The following SLC24A2 variants were observed in gnomAD, a reference collection of about 807,000 sequenced individuals.
SLC24A2 encodes solute carrier family 24 member 2, also known as sodium/potassium/calcium exchanger 2.
A neutral mutation model predicts 62.0 loss-of-function variants in SLC24A2; 36 were observed. The observed-to-expected ratio is 0.58, with a 90% CI of 0.44 to 0.77. The LOEUF is 0.77. Ranked by LOEUF, SLC24A2 falls within the 30% of genes least tolerant of loss-of-function variation. The pLI, the probability that SLC24A2 is intolerant of heterozygous loss-of-function variation, is 0.00. For missense variants in SLC24A2, 846 were observed against 817.9 expected (o/e 1.03, Z -0.42); for synonymous variants, 358 against 294.0 (o/e 1.22, Z -2.23).
the SLC24A2 span, among the ~76,000 whole-genome samples, chr9:20,117,095 T>C: frequency 2.6e-5 from 4 of 152,260 alleles, no homozygotes; most frequent in African/African-American, 9.6e-5. Flanking sequence ...TGGCAGTGAC[T>C]GAGAGCCCCA....
At chr9:19,863,151 G>A in the SLC24A2 span, among the ~76,000 whole-genome samples, 88,152 of 151,708 alleles carry the variant, frequency 0.58, 26,231 homozygotes, top group Non-Finnish European at 0.64. Context: ...AGACAAGGTC[G>A]CTATAGAATG....
the SLC24A2 span, among the ~76,000 whole-genome samples, chr9:20,079,157 G>A: frequency 2.0e-5 from 3 of 149,730 alleles, no homozygotes; most frequent in African/African-American, 7.3e-5. Context: ...AGCAGCAGAG[G>A]TTGGAGTTAT....
chr9:19,820,056 C>CATATATATAT, the SLC24A2 span, among the ~76,000 whole-genome samples: 1 of 20,734 alleles, frequency 4.8e-5, no homozygotes, highest in African/African-American at 8.9e-5. Context: ...TATATATATA[C>CATATATATAT]ACATATATAT....
intron 2 of SLC24A2, among the ~76,000 whole-genome samples, chr9:19,724,860 T>G (rs1356370112): frequency 6.6e-6 from 1 of 152,130 alleles, no homozygotes; most frequent in Admixed American, 6.5e-5. Flanking sequence ...CCAGTTAGAT[T>G]AGATACCATT....
Position 19,516,107 on chromosome 9 carries a change from G to C in SLC24A2, c.*46C>G, listed in dbSNP as rs756678294. ...GGTCAAGGAGCCCAGAGCCCAGAGT[G>C]TGGAGGGACCATTCATGCTGCTGGT... On this transcript the variant is annotated 3_prime_UTR_variant, in exon 11 of 11. Coordinates refer to ENST00000341998, the MANE Select transcript of SLC24A2 (RefSeq NM_020344.4). 1.2e-6 allele frequency: 2 copies of C among 1,612,596 alleles called. No homozygotes were observed. The highest frequency in any genetic ancestry group is 1.7e-6 in the Non-Finnish European group (2 of 1,179,006).
the SLC24A2 span, among the ~76,000 whole-genome samples, chr9:20,185,466 C>G: frequency 6.6e-6 from 1 of 151,928 alleles, no homozygotes; most frequent in African/African-American, 2.4e-5. Flanking sequence ...GAGATCTAGA[C>G]CATCCTGGCT....
At chr9:19,705,588 T>G (rs1319523927) in intron 2 of SLC24A2, 1 of 229,762 alleles carries the variant, frequency 4.4e-6, no homozygotes, top group Non-Finnish European at 9.6e-6. Flanking sequence ...TAGCCAGGAC[T>G]AGTGAGCCAC....
intron 2 of SLC24A2, among the ~76,000 whole-genome samples, chr9:19,723,028 A>C (rs892522643): frequency 6.6e-6 from 1 of 152,152 alleles, no homozygotes; most frequent in Admixed American, 6.6e-5. Context: ...ATTCAAGGAA[A>C]ATCCCAAAGC....
chr9:19,743,960 A>G, intron 2 of SLC24A2, among the ~76,000 whole-genome samples: 1 of 152,154 alleles, frequency 6.6e-6, no homozygotes, highest in South Asian at 2.1e-4. Flanking sequence ...GTGGCTTAAA[A>G]TGAAAAATAG....
chr9:19,598,780 AT>A (rs1276427049), intron 4 of SLC24A2, among the ~76,000 whole-genome samples: 1 of 152,210 alleles, frequency 6.6e-6, no homozygotes, highest in Non-Finnish European at 1.5e-5. Context: ...CTTCATAAAT[AT>A]AAAACACATA....
At chr9:20,135,818 T>C in the SLC24A2 span, among the ~76,000 whole-genome samples, 3 of 152,014 alleles carry the variant, frequency 2.0e-5, no homozygotes, top group Non-Finnish European at 4.4e-5. Flanking sequence ...TTTCGTGGAG[T>C]TGGAGAATGT....
At chr9:19,963,876 C>T in the SLC24A2 span, among the ~76,000 whole-genome samples, 1 of 152,106 alleles carries the variant, frequency 6.6e-6, no homozygotes, top group Non-Finnish European at 1.5e-5. Flanking sequence ...TGGGTATATA[C>T]CCAAAGGACT....
the SLC24A2 span, among the ~76,000 whole-genome samples, chr9:20,179,621 A>C: frequency 9.3e-4 from 141 of 152,292 alleles, 1 homozygote; most frequent in African/African-American, 3.2e-3. Context: ...GAAAGGAAGA[A>C]GGAAAGGGAA....
At chr9:20,138,393 G>A in the SLC24A2 span, among the ~76,000 whole-genome samples, 1 of 152,220 alleles carries the variant, frequency 6.6e-6, no homozygotes, top group South Asian at 2.1e-4. Context: ...TTCCCAGGAG[G>A]TCCTGGAGCT....
chr9:19,771,322 C>T (rs1822680599), intron 2 of SLC24A2, among the ~76,000 whole-genome samples: 1 of 152,200 alleles, frequency 6.6e-6, no homozygotes. Context: ...TATTTATTTT[C>T]CTCAAGTGTG....
At position 19,720,699 on chromosome 9, in the gene SLC24A2, CCA is replaced by C. The variant is rs1491242770; in HGVS notation, c.930+65236_930+65237del. Among the ~76,000 whole-genome samples, 177 of 82,392 alleles carry C rather than the reference CCA, an allele frequency of 2.1e-3. 1 individual carries two copies. The highest frequency in any genetic ancestry group is 6.2e-3 in the African/African-American group (171 of 27,520). The allele number at this position is 82,392 out of a possible 152,430, so 54.1% of individuals were successfully genotyped here. A position where few individuals can be genotyped will look rare whatever the true frequency, so the allele number is the denominator to read the frequency against. On this transcript the variant is annotated intron_variant, in intron 2 of 10. Transcript: ENST00000341998. ...ACAATTACAATGACAACCCCCCCCC[CCA>C]AAAAAAATCACCTTGATGTGGCTCA...
the SLC24A2 span, among the ~76,000 whole-genome samples, chr9:20,174,435 A>C: frequency 6.6e-6 from 1 of 152,090 alleles, no homozygotes; most frequent in African/African-American, 2.4e-5. Context: ...GAGTGGAAGA[A>C]AAACTTCACA....
At chr9:20,269,377 C>A in the SLC24A2 span, among the ~76,000 whole-genome samples, 1 of 152,120 alleles carries the variant, frequency 6.6e-6, no homozygotes, top group South Asian at 2.1e-4. Context: ...GGGTTTGAAT[C>A]CAAATCCCCA....
At chr9:19,951,992 A>T in the SLC24A2 span, among the ~76,000 whole-genome samples, 1 of 152,068 alleles carries the variant, frequency 6.6e-6, no homozygotes, top group East Asian at 1.9e-4. Context: ...TTATGTAGGT[A>T]TTTAATTTCC....
Sources: allele counts gnomAD v4.1 joint callset (sites outside exome capture counted in the v4.1 genomes callset), GRCh38; gene constraint gnomAD v4.1.1; transcripts MANE v1.5; gene names NCBI Gene and HGNC (gene_info 2026-07-23, HGNC 2026-07-21).